The following CSF2RB variants were observed in gnomAD, a reference collection of about 807,000 sequenced individuals.
CSF2RB encodes the protein cytokine receptor common subunit beta.
In CSF2RB, 22 loss-of-function variants were observed where a neutral mutation model predicts 67.2. That is an observed-to-expected ratio of 0.33 (90% CI 0.23 to 0.47). CSF2RB has a LOEUF of 0.47. CSF2RB is among the 20% of genes least tolerant of loss of function. The pLI, the probability that CSF2RB is intolerant of heterozygous loss-of-function variation, is 1.00. For synonymous variants in CSF2RB, 507 were observed against 482.9 expected (o/e 1.05, Z -0.65); for missense variants, 1,113 against 1,174.5 (o/e 0.95, Z 0.76).
intron 4 of CSF2RB, among the ~76,000 whole-genome samples, chr22:36,928,021 G>A (rs531682752): frequency 3.3e-5 from 5 of 152,310 alleles, no homozygotes; most frequent in African/African-American, 9.6e-5. Flanking sequence ...TTTCTAAGGC[G>A]ATGGAGACAA....
At chr22:36,913,882 C>A (rs139823519) in intron 1 of CSF2RB, among the ~76,000 whole-genome samples, 17 of 152,162 alleles carry the variant, frequency 1.1e-4, no homozygotes, top group Non-Finnish European at 1.9e-4. Context: ...GGGGAGGCAG[C>A]CAGGGGTGCC....
chr22:36,936,522 C>A (rs745369588), intron 12 of CSF2RB, 27 bp from the exon 13 acceptor site: 6 of 1,610,784 alleles, frequency 3.7e-6, no homozygotes, highest in Non-Finnish European at 5.1e-6. Context: ...CTGATGCTCA[C>A]CGGCCCAAAT....
chr22:36,932,932 A>G (rs762992252), intron 9 of CSF2RB, 28 bp downstream of exon 9: 4 of 1,612,932 alleles, frequency 2.5e-6, no homozygotes, highest in African/African-American at 1.3e-5. Flanking sequence ...GGGAGGGGAG[A>G]AACACTGGGG....
intron 3 of CSF2RB, among the ~76,000 whole-genome samples, chr22:36,924,371 C>G (rs908100963): frequency 6.6e-6 from 1 of 151,922 alleles, no homozygotes; most frequent in Admixed American, 6.6e-5. Context: ...AGGAACATCA[C>G]GGCCCCCAAG....
intron 10 of CSF2RB, 90 bp downstream of exon 10, chr22:36,934,084 G>A: frequency 6.5e-7 from 1 of 1,530,372 alleles, no homozygotes; most frequent in Non-Finnish European, 8.9e-7. Context: ...AGCCGTAGCA[G>A]GCCTGCAACA....
intron 3 of CSF2RB, 110 bp from the exon 4 acceptor site, chr22:36,925,877 G>A: frequency 8.1e-7 from 1 of 1,229,868 alleles, no homozygotes; most frequent in Non-Finnish European, 1.2e-6. Flanking sequence ...TTTTATCACT[G>A]CTGGCCCCTG....
intron 9 of CSF2RB, 152 bp from the exon 10 acceptor site, chr22:36,933,680 A>T: frequency 9.6e-7 from 1 of 1,046,048 alleles, no homozygotes; most frequent in Non-Finnish European, 1.4e-6. Flanking sequence ...GTGGGCCCTC[A>T]GGGAGGATCC....
chr22:36,923,902 A>AG, intron 3 of CSF2RB: 3 of 732,270 alleles, frequency 4.1e-6, no homozygotes, highest in East Asian at 6.6e-5. Context: ...GCGCTCTCCC[A>AG]GGCCCCCCCT....
chr22:36,915,976 T>A (rs930257419), intron 1 of CSF2RB, among the ~76,000 whole-genome samples: 4 of 152,238 alleles, frequency 2.6e-5, no homozygotes, highest in Admixed American at 6.5e-5. Context: ...TCTTAACTTT[T>A]GGAGTGACTC....
chr22:36,918,582 A>G (rs1940776807), intron 1 of CSF2RB, among the ~76,000 whole-genome samples: 1 of 152,206 alleles, frequency 6.6e-6, no homozygotes, highest in African/African-American at 2.4e-5. Flanking sequence ...CCTTGAATAC[A>G]GATTCCTTAC....
In CSF2RB at chr22:36,939,471, G is replaced by C. The variant is rs967148320; in HGVS notation, c.*969G>C. The C allele has an allele frequency of 3.7e-6, 2 of 542,584 alleles. No homozygotes were observed. The highest frequency in any genetic ancestry group is 6.6e-6 in the Non-Finnish European group (2 of 300,988). 33.6% of individuals were successfully genotyped at this position (542,584 alleles called of 1,614,324 possible). On this transcript the variant is annotated 3_prime_UTR_variant, in exon 14 of 14. Coordinates refer to ENST00000403662, the MANE Select transcript of CSF2RB (RefSeq NM_000395.3). Reference sequence around the variant, plus strand: ...TCTCCCTCCCACCGGCCACAGATGAGGGGCTGCTGATCTATGCCTGGGCCT... The same window carrying C: ...TCTCCCTCCCACCGGCCACAGATGACGGGCTGCTGATCTATGCCTGGGCCT...
In CSF2RB at chr22:36,940,097, T is replaced by A. The variant is rs1569142230; in HGVS notation, c.*1595T>A. On this transcript the variant is annotated 3_prime_UTR_variant, in exon 14 of 14. Transcript: ENST00000403662. ...TATATACTTTATTGGTCCCTAGGCT[T>A]CCTATTTTGTTACCTTGCTTTCTCT... 4 of 152,260 alleles carry A rather than the reference T, an allele frequency of 2.6e-5. No individual in the cohort carries two copies. The highest frequency in any genetic ancestry group is 5.9e-5 in the Non-Finnish European group (4 of 68,050). 9.4% of individuals were successfully genotyped at this position (152,260 alleles called of 1,614,324 possible).
In CSF2RB at chr22:36,938,168, C is replaced by T; in HGVS notation, c.2360C>T (p.Pro787Leu). 1 of 1,614,154 alleles carries T rather than the reference C, an allele frequency of 6.2e-7. No homozygotes were observed. Among genetic ancestry groups the T allele is most frequent in the Non-Finnish European group, 8.5e-7 (1 of 1,180,010 alleles). ...TCACCAAGGAACAATCCTGTCCCCC[C>T]TGAGGCCAAAAGCCCTGTCCTGAAC... ...PRSPRNNPVP[P>L]EAKSPVLNPG... Residue 787 changes from proline to leucine, a missense_variant, in exon 14 of 14, where the codon CCT becomes CTT. Pro to Leu is a moderately conservative substitution (Grantham distance 98, BLOSUM62 -3). Coordinates refer to ENST00000403662, the MANE Select transcript of CSF2RB (RefSeq NM_000395.3).
In CSF2RB at chr22:36,938,323, C is replaced by A. The variant is rs1008678561; in HGVS notation, c.2515C>A (p.Pro839Thr). 7 of 1,614,196 alleles carry A rather than the reference C, an allele frequency of 4.3e-6. No homozygotes were observed. The highest frequency in any genetic ancestry group is 3.3e-5 in the South Asian group (3 of 91,080). Residue 839 changes from proline to threonine, a missense_variant, in exon 14 of 14, where the codon CCT (proline) becomes ACT (threonine). By Grantham distance (38) the Pro-to-Thr change is conservative. Around this residue, in one of 2 missense-constraint regions of CSF2RB, gnomAD observed 554 missense variants for 517.9 expected, o/e 1.07. Coordinates refer to ENST00000403662, the MANE Select transcript of CSF2RB (RefSeq NM_000395.3). Reference sequence around the variant, plus strand: ...CGGCCCTCTCTCGCTCCGGAGTAAACCTTCTTCCCCGGGACCCGGTCCTGA... The same window carrying A: ...CGGCCCTCTCTCGCTCCGGAGTAAAACTTCTTCCCCGGGACCCGGTCCTGA... ...GPGPLSLRSKPSSPGPGPEIK... is the reference protein window; with the variant it reads ...GPGPLSLRSKTSSPGPGPEIK...
At position 36,930,505 on chromosome 22, in the gene CSF2RB, T is replaced by C; in HGVS notation, c.849T>C (p.Asp283=). 7.4e-6 allele frequency: 12 copies of C among 1,613,472 alleles called. No homozygotes were observed. The highest frequency in any genetic ancestry group is 1.7e-5 in the Admixed American group (1 of 60,012). ...SFGLFYKPSP[D]AGEEECSPVL... ...GCCTATTCTACAAGCCCAGCCCAGA[T>C]GCAGGGTGAGCATCTTTTTTCTCCA... The change falls in exon 7 of 14, where the codon GAT becomes GAC. Residue 283 remains aspartate, a synonymous_variant. Transcript: ENST00000403662.
chr22:36,933,729 G>A (rs781491778), intron 9 of CSF2RB, 103 bp from the exon 10 acceptor site: 32 of 1,457,998 alleles, frequency 2.2e-5, no homozygotes, highest in Non-Finnish European at 2.7e-5. Flanking sequence ...CCTGGGGTAT[G>A]GCAGGAGCTA....
In CSF2RB at chr22:36,938,566, C is replaced by T; in HGVS notation, c.*64C>T. The T allele has an allele frequency of 6.6e-7, 1 of 1,523,588 alleles. No individual in the cohort carries two copies. 94.4% of individuals were successfully genotyped at this position (1,523,588 alleles called of 1,614,324 possible). On this transcript the variant is annotated 3_prime_UTR_variant, in exon 14 of 14. Transcript: ENST00000403662. ...TTGCCTTCCCTCCCGCCTGACCTTCCTCAGTCATTTCTGCAAAGCCAAGGG... is the reference window on the plus strand; with the variant it reads ...TTGCCTTCCCTCCCGCCTGACCTTCTTCAGTCATTTCTGCAAAGCCAAGGG...
rs988446247 is a variant in CSF2RB, at chr22:36,922,481, T to A, written c.76+198T>A. 2.1e-5 allele frequency: 13 copies of A among 616,110 alleles called. No homozygotes were observed. The African/African-American group carries it at 2.4e-4, about 11-fold the overall frequency. The allele number at this position is 616,110 out of a possible 1,614,324, so 38.2% of individuals were successfully genotyped here. A position where few individuals can be genotyped will look rare whatever the true frequency, so the allele number is the denominator to read the frequency against. On this transcript the variant is annotated intron_variant, in intron 2 of 13. Coordinates refer to ENST00000403662, the MANE Select transcript of CSF2RB (RefSeq NM_000395.3). ...TTCCTGCTCATCCTGTCTTGGAAAG[T>A]CCAGCTGAGCGTGTCTGGCTTCCTT...
At chr22:36,934,542 C>T (rs1231639362) in intron 10 of CSF2RB, among the ~76,000 whole-genome samples, 2 of 152,160 alleles carry the variant, frequency 1.3e-5, no homozygotes, top group South Asian at 4.1e-4. Flanking sequence ...TTGCTCAGCC[C>T]GAGTTTCCTG....
Sources: allele counts gnomAD v4.1 joint callset (sites outside exome capture counted in the v4.1 genomes callset), GRCh38; gene constraint gnomAD v4.1.1; regional missense constraint gnomAD v4.1.1; transcripts MANE v1.5; gene names NCBI Gene and HGNC (gene_info 2026-07-23, HGNC 2026-07-21).